DLGAP2: variants seen among roughly 807,000 people sequenced by gnomAD.
DLGAP2 encodes disks large-associated protein 2.
A neutral mutation model predicts 100.3 loss-of-function variants in DLGAP2; 26 were observed. The observed-to-expected ratio is 0.26, with a 90% confidence interval of 0.19 to 0.36. The LOEUF (loss-of-function observed/expected upper bound fraction) is 0.36, where lower values mean the gene tolerates loss of function less well. DLGAP2 is among the 10% of genes least tolerant of loss of function. DLGAP2 has a pLI of 1.00. For missense variants in DLGAP2, 1,858 were observed against 1,453.2 expected (o/e 1.28, Z -4.53); for synonymous variants, 886 against 630.1 (o/e 1.41, Z -6.08).
intron 3 of DLGAP2, among the ~76,000 whole-genome samples, chr8:1,357,376 C>G (rs553353262): frequency 3.7e-4 from 56 of 151,446 alleles, no homozygotes; most frequent in Non-Finnish European, 7.8e-4. Context: ...ACAACCCCTT[C>G]CTGATGCATC....
chr8:902,894 TGGGTGGAACGTGTGC>T (rs1798288145), intron 1 of DLGAP2, among the ~76,000 whole-genome samples: 1 of 14,704 alleles, frequency 6.8e-5, no homozygotes, highest in Non-Finnish European at 1.2e-4. Context: ...CAGGGGTGGG[TGGGTGGAACGTGTGC>T]GGGTGGGCGG....
intron 1 of DLGAP2, among the ~76,000 whole-genome samples, chr8:785,885 G>A (rs1296696662): frequency 6.6e-6 from 1 of 151,610 alleles, no homozygotes; most frequent in Admixed American, 6.6e-5. Flanking sequence ...TCCCTCACCC[G>A]CTGTACAGGC....
chr8:838,231 G>A (rs1446917183), intron 1 of DLGAP2, among the ~76,000 whole-genome samples: 1 of 151,948 alleles, frequency 6.6e-6, no homozygotes, highest in African/African-American at 2.4e-5. Flanking sequence ...AGTTCTTAAT[G>A]TTTTTAAAAT....
chr8:892,095 T>C (rs545933595), intron 1 of DLGAP2, among the ~76,000 whole-genome samples: 2 of 152,308 alleles, frequency 1.3e-5, no homozygotes, highest in South Asian at 2.1e-4. Context: ...TCCTGGGTGT[T>C]GCTGCTGGGA....
intron 3 of DLGAP2, among the ~76,000 whole-genome samples, chr8:1,287,528 AGTGTGT>A (rs72312295): frequency 3.0e-5 from 2 of 67,294 alleles, no homozygotes; most frequent in Admixed American, 1.9e-4. Context: ...GTTTTGGTTC[AGTGTGT>A]GTGTGTGTGT....
At position 1,668,380 on chromosome 8, in the gene DLGAP2, C is replaced by G. The variant is rs1798598564; in HGVS notation, c.1862C>G (p.Thr621Ser). Residue 621 changes from threonine to serine, a missense_variant, in exon 9 of 15, where the codon ACC (threonine) becomes AGC (serine). By Grantham distance (58) the Thr-to-Ser change is moderately conservative. Transcript: ENST00000637795. ...ACGCCCCCACCGGTGCCCCCTCGGA[C>G]CACCTCCAAGCCTCTGATCTCGGTG... is the stretch of plus-strand genomic sequence containing the variant. Reference protein sequence around the residue: ...KKTPPPVPPRTTSKPLISVTA... With the variant: ...KKTPPPVPPRSTSKPLISVTA... 1 of 1,589,698 alleles carries G rather than the reference C, an allele frequency of 6.3e-7. No individual in the cohort carries two copies. The highest frequency in any genetic ancestry group is 8.6e-7 in the Non-Finnish European group (1 of 1,168,312).
chr8:896,578 TG>T (rs1383133786), intron 1 of DLGAP2, among the ~76,000 whole-genome samples: 1 of 151,862 alleles, frequency 6.6e-6, no homozygotes, highest in Non-Finnish European at 1.5e-5. Flanking sequence ...GGTGGGGCCC[TG>T]GGGGGCGATG....
At position 1,370,324 on chromosome 8, in the gene DLGAP2, A is replaced by G. The variant is rs147492681; in HGVS notation, c.106+111441A>G. On this transcript the variant is annotated intron_variant, in intron 3 of 14. Coordinates refer to ENST00000637795, the MANE Select transcript of DLGAP2 (RefSeq NM_001346810.2). ...GCAGTCACACGGCGTGATTCATCCC[A>G]GCCAAACCCTTGCTCTCCCTGGGCA... 1.1e-4 allele frequency among the ~76,000 whole-genome samples: 17 copies of G among 152,234 alleles called. No individual in the cohort carries two copies. The East Asian group carries it at 3.1e-3, about 28-fold the overall frequency.
intron 2 of DLGAP2, among the ~76,000 whole-genome samples, chr8:1,066,498 T>A (rs1803257278): frequency 6.9e-6 from 1 of 144,634 alleles, no homozygotes; most frequent in Admixed American, 6.9e-5. Context: ...CACGGTCAGG[T>A]CTGAGTGAGG....
intron 3 of DLGAP2, among the ~76,000 whole-genome samples, chr8:1,383,647 G>C (rs1273154549): frequency 1.3e-5 from 2 of 152,208 alleles, no homozygotes; most frequent in Admixed American, 6.5e-5. Flanking sequence ...CCCCTTAGTG[G>C]CTGGGGCTGG....
chr8:1,425,643 A>G (rs533837118), intron 3 of DLGAP2, among the ~76,000 whole-genome samples: 41 of 152,188 alleles, frequency 2.7e-4, no homozygotes, highest in Non-Finnish European at 4.8e-4. Flanking sequence ...ACAAGCCTAG[A>G]GCTGTCATGT....
chr8:1,629,942 A>C (rs1190519806), intron 7 of DLGAP2, among the ~76,000 whole-genome samples: 1 of 152,228 alleles, frequency 6.6e-6, no homozygotes, highest in Non-Finnish European at 1.5e-5. Context: ...GATGGTATCT[A>C]CCAAAATAAG....
At chr8:1,358,200 A>C (rs1801899851) in intron 3 of DLGAP2, among the ~76,000 whole-genome samples, 2 of 152,216 alleles carry the variant, frequency 1.3e-5, no homozygotes, top group Non-Finnish European at 2.9e-5. Context: ...AAGGATGTGG[A>C]CGCACAAAGG....
chr8:1,274,988 C>G (rs1001361433), intron 3 of DLGAP2, among the ~76,000 whole-genome samples: 1 of 152,134 alleles, frequency 6.6e-6, no homozygotes, highest in African/African-American at 2.4e-5. Context: ...GCAGTCCCAG[C>G]TGTCTGATTC....
intron 2 of DLGAP2, among the ~76,000 whole-genome samples, chr8:1,048,882 A>G (rs1802592193): frequency 6.6e-6 from 1 of 152,094 alleles, no homozygotes; most frequent in Non-Finnish European, 1.5e-5. Context: ...GCCTATAAAT[A>G]TGACTAAGTG....
intron 5 of DLGAP2, among the ~76,000 whole-genome samples, chr8:1,560,633 C>A (rs545933924): frequency 1.1e-4 from 17 of 152,224 alleles, no homozygotes; most frequent in Non-Finnish European, 2.1e-4. Flanking sequence ...ACCGGGCGCT[C>A]CACTGCCCGC....
intron 2 of DLGAP2, among the ~76,000 whole-genome samples, chr8:1,211,827 A>G (rs564219734): frequency 6.6e-6 from 1 of 152,274 alleles, no homozygotes; most frequent in African/African-American, 2.4e-5. Flanking sequence ...GTGAGCCGAT[A>G]TCGTGCCATT....
intron 2 of DLGAP2, among the ~76,000 whole-genome samples, chr8:1,024,280 C>T (rs1312596363): frequency 7.2e-6 from 1 of 139,002 alleles, no homozygotes; most frequent in African/African-American, 2.7e-5. Flanking sequence ...ACCACCCACC[C>T]TCCCTGGGGG....
chr8:800,454 T>G (rs1343407539), intron 1 of DLGAP2, among the ~76,000 whole-genome samples: 1 of 152,152 alleles, frequency 6.6e-6, no homozygotes, highest in Non-Finnish European at 1.5e-5. Flanking sequence ...CAGCCCTGGC[T>G]CTCATGGCGG....
Sources: allele counts gnomAD v4.1 joint callset (sites outside exome capture counted in the v4.1 genomes callset), GRCh38; gene constraint gnomAD v4.1.1; transcripts MANE v1.5; gene names NCBI Gene and HGNC (gene_info 2026-07-23, HGNC 2026-07-21).